The following PLPP4 variants were observed in gnomAD, a reference collection of about 807,000 sequenced individuals.
PLPP4 encodes diacylglycerol pyrophosphate like 2.
Under a neutral mutation model 32.2 loss-of-function variants are expected in PLPP4, and 20 were observed. That is an observed-to-expected ratio of 0.62 (90% CI 0.44 to 0.90). The LOEUF (loss-of-function observed/expected upper bound fraction) is 0.90. Ranked by LOEUF, PLPP4 falls within the 40% of genes least tolerant of loss-of-function variation. The pLI, the probability that PLPP4 is intolerant of heterozygous loss-of-function variation, is 0.00. For synonymous variants in PLPP4, 127 were observed against 133.0 expected (o/e 0.95, Z 0.31); for missense variants, 257 against 353.1 (o/e 0.73, Z 2.18).
intron 1 of PLPP4, among the ~76,000 whole-genome samples, chr10:120,475,112 G>A (rs529245095): frequency 1.3e-5 from 2 of 152,070 alleles, no homozygotes; most frequent in Non-Finnish European, 2.9e-5. Context: ...GATACAAAGG[G>A]GATTGACAAT....
chr10:120,590,009 TAAA>T lies in PLPP4; in HGVS notation c.*509_*511del, dbSNP rs1189552303. ...ATCAGCTTCTCATAGCCCACGTCTC[TAAA>T]ATAGATTTGAAACTTGGAGTGACAG... On this transcript the variant is annotated 3_prime_UTR_variant, in exon 7 of 7. Coordinates refer to ENST00000398250, the MANE Select transcript of PLPP4 (RefSeq NM_001030059.3). Among the ~76,000 whole-genome samples, 1 of 152,210 alleles carries T rather than the reference TAAA, an allele frequency of 6.6e-6. No homozygotes were observed. Among genetic ancestry groups the T allele is most frequent in the Non-Finnish European group, 1.5e-5 (1 of 68,032 alleles).
intron 6 of PLPP4, among the ~76,000 whole-genome samples, chr10:120,584,352 G>A (rs1475765492): frequency 1.3e-5 from 2 of 152,150 alleles, no homozygotes; most frequent in African/African-American, 2.4e-5. Flanking sequence ...TTGCTGATAC[G>A]GCTGTCATTG....
intron 3 of PLPP4, among the ~76,000 whole-genome samples, chr10:120,514,855 T>C (rs1233890602): frequency 5.3e-5 from 8 of 152,182 alleles, no homozygotes; most frequent in Non-Finnish European, 1.0e-4. Context: ...AAATTTTGTT[T>C]TTGGTGTGTT....
intron 5 of PLPP4, among the ~76,000 whole-genome samples, chr10:120,573,510 C>T (rs1849039323): frequency 1.3e-5 from 2 of 152,162 alleles, no homozygotes; most frequent in Admixed American, 1.3e-4. Flanking sequence ...ACTTAGCATG[C>T]ATCCTAAGTA....
chr10:120,462,148 G>A (rs1346477364), intron 1 of PLPP4, among the ~76,000 whole-genome samples: 2 of 151,882 alleles, frequency 1.3e-5, no homozygotes, highest in Non-Finnish European at 2.9e-5. Flanking sequence ...GGACATTCCT[G>A]CAGGGCAAAG....
intron 1 of PLPP4, among the ~76,000 whole-genome samples, chr10:120,487,611 T>C (rs999103853): frequency 1.3e-5 from 2 of 152,204 alleles, no homozygotes; most frequent in Non-Finnish European, 2.9e-5. Flanking sequence ...TATAGGGTCA[T>C]GGTAAGTGTG....
intron 1 of PLPP4, among the ~76,000 whole-genome samples, chr10:120,496,431 G>T (rs1844965144): frequency 6.6e-6 from 1 of 152,112 alleles, no homozygotes; most frequent in African/African-American, 2.4e-5. Context: ...TACATACCTT[G>T]GAACATCCCT....
At chr10:120,493,979 T>C (rs1003413678) in intron 1 of PLPP4, among the ~76,000 whole-genome samples, 1 of 152,044 alleles carries the variant, frequency 6.6e-6, no homozygotes, top group African/African-American at 2.4e-5. Flanking sequence ...GTAATTGACT[T>C]ATTGAATAAT....
chr10:120,480,503 G>T (rs924627339), intron 1 of PLPP4, among the ~76,000 whole-genome samples: 2 of 152,104 alleles, frequency 1.3e-5, no homozygotes, highest in African/African-American at 4.8e-5. Flanking sequence ...ATAGAATCAG[G>T]ATTCATAAAA....
intron 5 of PLPP4, among the ~76,000 whole-genome samples, chr10:120,535,499 GT>G (rs1846974660): frequency 6.6e-6 from 1 of 151,888 alleles, no homozygotes; most frequent in Admixed American, 6.6e-5. Flanking sequence ...TTTGGTCCTT[GT>G]TTTTTGTGTG....
chr10:120,572,383 G>T (rs1848985238), intron 5 of PLPP4, among the ~76,000 whole-genome samples: 1 of 152,202 alleles, frequency 6.6e-6, no homozygotes, highest in Non-Finnish European at 1.5e-5. Flanking sequence ...GGCAGTATTG[G>T]TTGCTTGGGC....
chr10:120,492,304 T>C (rs1388754728), intron 1 of PLPP4, among the ~76,000 whole-genome samples: 1 of 152,270 alleles, frequency 6.6e-6, no homozygotes, highest in Non-Finnish European at 1.5e-5. Flanking sequence ...TAGAAAGGTT[T>C]GAAAATAGTT....
chr10:120,512,629 A>G (rs1402388100), intron 2 of PLPP4, among the ~76,000 whole-genome samples: 2 of 152,152 alleles, frequency 1.3e-5, no homozygotes, highest in African/African-American at 4.8e-5. Flanking sequence ...CTTGGCCAAC[A>G]TGGTGAGACC....
intron 1 of PLPP4, among the ~76,000 whole-genome samples, chr10:120,493,853 G>A (rs553079565): frequency 6.6e-6 from 1 of 152,266 alleles, no homozygotes; most frequent in East Asian, 1.9e-4. Flanking sequence ...CAGGGGAGGA[G>A]TACACTGCAC....
rs1316271422 is a variant in PLPP4, at chr10:120,503,809, A to G, written c.57-9A>G. The G allele has an allele frequency of 3.1e-6, 5 of 1,609,320 alleles. No individual in the cohort carries two copies. Among genetic ancestry groups the G allele is most frequent in the Non-Finnish European group, 4.3e-6 (5 of 1,176,396 alleles). On this transcript the variant is annotated splice_polypyrimidine_tract_variant and intron_variant, in intron 1 of 6. Transcript: ENST00000398250. ...TCAACCTTCATGTACTTTTCTTTTT[A>G]TGTTTCAGTTTTACAGAGTTTTTGG...
intron 5 of PLPP4, among the ~76,000 whole-genome samples, chr10:120,569,411 G>A (rs1848831516): frequency 1.3e-5 from 2 of 152,140 alleles, no homozygotes; most frequent in South Asian, 4.1e-4. Flanking sequence ...CGTTGAGCCT[G>A]AGTTGATTCT....
At chr10:120,536,665 C>T (rs114987297) in intron 5 of PLPP4, among the ~76,000 whole-genome samples, 1,190 of 48,542 alleles carry the variant, frequency 0.025, 25 homozygotes, top group African/African-American at 0.07. Flanking sequence ...ATACCTAAAG[C>T]ACAGGCAAAA....
chr10:120,540,224 C>T (rs973877911), intron 5 of PLPP4, among the ~76,000 whole-genome samples: 1 of 152,166 alleles, frequency 6.6e-6, no homozygotes, highest in East Asian at 1.9e-4. Flanking sequence ...CTCCCCAGGG[C>T]CTGTCCTGTG....
At position 120,590,965 on chromosome 10, in the gene PLPP4, C is replaced by T. The variant is rs1849974808; in HGVS notation, c.*1463C>T. The stretch of plus-strand genomic sequence containing the variant: ...TGTATTTTTAGTAGACACGGGGTTT[C>T]ACCACGTTGGCCAGGCTGGTCTCGG... On this transcript the variant is annotated 3_prime_UTR_variant, in exon 7 of 7. Transcript: ENST00000398250. Among the ~76,000 whole-genome samples, 1 of 152,002 alleles carries T rather than the reference C, an allele frequency of 6.6e-6. No individual in the cohort carries two copies. The highest frequency in any genetic ancestry group is 2.4e-5 in the African/African-American group (1 of 41,372).
Sources: allele counts gnomAD v4.1 joint callset (sites outside exome capture counted in the v4.1 genomes callset), GRCh38; gene constraint gnomAD v4.1.1; transcripts MANE v1.5; gene names NCBI Gene and HGNC (gene_info 2026-07-23, HGNC 2026-07-21).